STOX1: variants seen among roughly 807,000 people sequenced by gnomAD.
STOX1 encodes the protein storkhead box 1.
A neutral mutation model predicts 74.8 loss-of-function variants in STOX1; 57 were observed. The ratio of observed to expected loss-of-function variants is 0.76; its 90% CI spans 0.62 to 0.95. The LOEUF (loss-of-function observed/expected upper bound fraction) is 0.95. STOX1 is among the 40% of genes least tolerant of loss of function. The pLI, the probability that STOX1 is intolerant of heterozygous loss-of-function variation, is 0.00. For synonymous variants in STOX1, 375 were observed against 401.3 expected, an observed-to-expected ratio of 0.93 and a Z score of 0.78; for missense variants, 1,010 against 1,117.0, an observed-to-expected ratio of 0.90 and a Z score of 1.37.
At chr10:68,838,334 T>C (rs1839611656) in intron 1 of STOX1, among the ~76,000 whole-genome samples, 1 of 152,194 alleles carries the variant, frequency 6.6e-6, no homozygotes, top group Non-Finnish European at 1.5e-5. Context: ...CCCAAAGTGA[T>C]GCGATTACAG....
intron 1 of STOX1, among the ~76,000 whole-genome samples, chr10:68,862,933 A>G (rs901710108): frequency 2.6e-5 from 4 of 152,100 alleles, no homozygotes; most frequent in African/African-American, 4.8e-5. Flanking sequence ...TTACAGGAGC[A>G]GATTCATTAT....
At chr10:68,881,311 T>G (rs1484910078) in intron 1 of STOX1, among the ~76,000 whole-genome samples, 1 of 152,222 alleles carries the variant, frequency 6.6e-6, no homozygotes, top group East Asian at 1.9e-4. Context: ...TATTAAGCCT[T>G]AAGTTCTATT....
intron 1 of STOX1, among the ~76,000 whole-genome samples, chr10:68,859,984 A>C (rs1840221111): frequency 6.6e-6 from 1 of 151,916 alleles, no homozygotes; most frequent in African/African-American, 2.4e-5. Context: ...AGATGAAGGA[A>C]GGGCCTTTAA....
intron 3 of STOX1, among the ~76,000 whole-genome samples, chr10:68,888,802 ATTTTTTTTTTTTTTTT>A (rs35174437): frequency 1.2e-3 from 37 of 32,048 alleles, no homozygotes; most frequent in East Asian, 6.0e-3. Flanking sequence ...TGCCCAGCTA[ATTTTTTTTTTTTTTTT>A]TTTTTTTTTT....
chr10:68,842,148 A>T (rs1839706286), intron 1 of STOX1, among the ~76,000 whole-genome samples: 1 of 152,174 alleles, frequency 6.6e-6, no homozygotes, highest in Non-Finnish European at 1.5e-5. Context: ...AAGTTGTGGC[A>T]TTGGGATGCA....
chr10:68,893,051 T>A lies in STOX1; in HGVS notation c.*315T>A. 1 of 250,670 alleles carries A rather than the reference T, an allele frequency of 4.0e-6. No individual in the cohort carries two copies. The highest frequency in any genetic ancestry group is 5.3e-5 in the South Asian group (1 of 18,710). 15.5% of individuals were successfully genotyped at this position (250,670 alleles called of 1,614,324 possible). On this transcript the variant is annotated 3_prime_UTR_variant, in exon 4 of 4. Transcript: ENST00000298596. ...ACATTAGTTTCTCAAATATATAGAA[T>A]GCCAATTTACTTCCTGTAGTGAATT...
At chr10:68,840,787 C>G (rs1839673471) in intron 1 of STOX1, among the ~76,000 whole-genome samples, 1 of 152,008 alleles carries the variant, frequency 6.6e-6, no homozygotes, top group Non-Finnish European at 1.5e-5. Flanking sequence ...GTCTTGAACT[C>G]CTGAGTTCAG....
intron 1 of STOX1, among the ~76,000 whole-genome samples, chr10:68,863,534 G>T (rs1840320403): frequency 6.6e-6 from 1 of 152,120 alleles, no homozygotes; most frequent in African/African-American, 2.4e-5. Context: ...TGACACCAGA[G>T]GCATTAACAT....
intron 1 of STOX1, among the ~76,000 whole-genome samples, chr10:68,855,764 C>CA (rs770484086): frequency 2.7e-5 from 4 of 147,942 alleles, no homozygotes; most frequent in East Asian, 2.0e-4. Context: ...AAAAAAAAAA[C>CA]AAAAAAAGAC....
intron 1 of STOX1, among the ~76,000 whole-genome samples, chr10:68,874,709 G>A (rs1399876042): frequency 6.6e-6 from 1 of 151,346 alleles, no homozygotes; most frequent in African/African-American, 2.4e-5. Flanking sequence ...GACACTGGGA[G>A]GTCAGGATTT....
rs78311728 is a variant in STOX1 at position 68,844,454 on chromosome 10, A to G, written c.310+16521A>G. Among the ~76,000 whole-genome samples, 1,183 of 151,898 alleles carry G rather than the reference A, an allele frequency of 7.8e-3. 12 individuals carry two copies. The highest frequency in any genetic ancestry group is 0.027 in the African/African-American group (1,120 of 41,442). On this transcript the variant is annotated intron_variant, in intron 1 of 3. Coordinates refer to ENST00000298596, the MANE Select transcript of STOX1 (RefSeq NM_152709.5). ...GTTGGGATTACAGGTATCTGCCACT[A>G]CACCCAGCACATTTTTGTATTTTTA...
At chr10:68,845,868 C>T (rs1295282007) in intron 1 of STOX1, among the ~76,000 whole-genome samples, 1 of 151,824 alleles carries the variant, frequency 6.6e-6, no homozygotes, top group African/African-American at 2.4e-5. Context: ...TGCCAAAGTG[C>T]TGGGATTATA....
At chr10:68,862,373 A>G (rs532432315) in intron 1 of STOX1, among the ~76,000 whole-genome samples, 6 of 152,226 alleles carry the variant, frequency 3.9e-5, no homozygotes, top group Non-Finnish European at 5.9e-5. Context: ...AACGATCTAC[A>G]TTCCTGGCAA....
At chr10:68,879,835 T>G (rs572900973) in intron 1 of STOX1, among the ~76,000 whole-genome samples, 1 of 152,124 alleles carries the variant, frequency 6.6e-6, no homozygotes, top group Non-Finnish European at 1.5e-5. Flanking sequence ...CATAATGCTA[T>G]TAAATATCCT....
At chr10:68,828,349 C>T (rs1839319271) in intron 1 of STOX1, 3 of 1,029,206 alleles carry the variant, frequency 2.9e-6, no homozygotes, top group Non-Finnish European at 2.4e-6. Context: ...GCGAGCGCGG[C>T]CCCGTCTTCT....
At chr10:68,868,002 T>G (rs552875633) in intron 1 of STOX1, among the ~76,000 whole-genome samples, 38 of 152,382 alleles carry the variant, frequency 2.5e-4, no homozygotes, top group Non-Finnish European at 4.4e-4. Flanking sequence ...TAAGCTCCCC[T>G]TTTTATTCAC....
At chr10:68,853,936 T>G (rs1352362750) in intron 1 of STOX1, among the ~76,000 whole-genome samples, 1 of 151,944 alleles carries the variant, frequency 6.6e-6, no homozygotes, top group Non-Finnish European at 1.5e-5. Context: ...ATGCCTGTCT[T>G]GGCCTCCCAA....
At chr10:68,859,079 T>C (rs1413220337) in intron 1 of STOX1, among the ~76,000 whole-genome samples, 2 of 152,070 alleles carry the variant, frequency 1.3e-5, no homozygotes, top group African/African-American at 2.4e-5. Flanking sequence ...AGCAACTTTC[T>C]TCAGCAAATG....
At chr10:68,831,437 C>T (rs908987614) in intron 1 of STOX1, among the ~76,000 whole-genome samples, 96 of 152,278 alleles carry the variant, frequency 6.3e-4, no homozygotes, top group Non-Finnish European at 4.4e-4. Context: ...CCGCCCGCCT[C>T]GGCCTCCCAT....
Sources: allele counts gnomAD v4.1 joint callset (sites outside exome capture counted in the v4.1 genomes callset), GRCh38; gene constraint gnomAD v4.1.1; transcripts MANE v1.5; gene names NCBI Gene and HGNC (gene_info 2026-07-23, HGNC 2026-07-21).